HECW2: variants seen among roughly 807,000 people sequenced by gnomAD.
HECW2 encodes HECT, C2 and WW domain containing E3 ubiquitin protein ligase 2, also known as E3 ubiquitin-protein ligase HECW2.
A neutral mutation model predicts 175.2 loss-of-function variants in HECW2; 61 were observed. The observed-to-expected ratio is 0.35, with a 90% CI of 0.28 to 0.43. The LOEUF (loss-of-function observed/expected upper bound fraction) is 0.43. HECW2 is among the 20% of genes least tolerant of loss of function. HECW2 has a pLI of 1.00. For missense variants in HECW2, 1,524 were observed against 2,000.5 expected (o/e 0.76, Z 4.54); for synonymous variants, 671 against 731.0 (o/e 0.92, Z 1.32).
In HECW2 at chr2:196,390,000, T is replaced by A. The variant is rs372423914; in HGVS notation, c.292+43132A>T. The stretch of plus-strand genomic sequence containing the variant: ...GATGGTTCAGGACCTCTTTAGATAC[T>A]TTGAAAGCTTAGGCTTGAAATAAAA... On this transcript the variant is annotated intron_variant, in intron 2 of 28. Coordinates refer to ENST00000644978, the MANE Select transcript of HECW2 (RefSeq NM_001348768.2). Among the ~76,000 whole-genome samples the A allele has an allele frequency of 3.3e-5, 5 of 152,306 alleles. No homozygotes were observed. In the East Asian group the frequency reaches 7.7e-4, roughly 24 times the overall value.
intron 2 of HECW2, 25 bp from the exon 3 acceptor site, chr2:196,343,789 T>A (rs753759108): frequency 1.5e-5 from 21 of 1,393,112 alleles, no homozygotes; most frequent in Non-Finnish European, 4.1e-6. Context: ...GAAACACTTT[T>A]CAGATTAATT....
chr2:196,513,030 G>A (rs892884672), intron 1 of HECW2, among the ~76,000 whole-genome samples: 3 of 151,982 alleles, frequency 2.0e-5, no homozygotes, highest in African/African-American at 7.3e-5. Flanking sequence ...CAAGACTTCA[G>A]ACCAAGAAAA....
chr2:196,279,072 G>A (rs1012353433), intron 14 of HECW2, among the ~76,000 whole-genome samples: 1 of 151,364 alleles, frequency 6.6e-6, no homozygotes, highest in Non-Finnish European at 1.5e-5. Flanking sequence ...TTTTTGAGAC[G>A]GAGTCTCGCT....
intron 28 of HECW2, among the ~76,000 whole-genome samples, chr2:196,206,054 C>T (rs992802773): frequency 6.6e-6 from 1 of 152,188 alleles, no homozygotes; most frequent in Non-Finnish European, 1.5e-5. Context: ...CACACCCCCA[C>T]TCCCACCCCA....
At chr2:196,422,669 T>C (rs1695438250) in intron 2 of HECW2, among the ~76,000 whole-genome samples, 1 of 152,114 alleles carries the variant, frequency 6.6e-6, no homozygotes, top group Admixed American at 6.6e-5. Context: ...ATAATCTGAC[T>C]AGGTGAAAAG....
chr2:196,585,776 A>C (rs1690953190), intron 1 of HECW2, among the ~76,000 whole-genome samples: 1 of 152,210 alleles, frequency 6.6e-6, no homozygotes, highest in African/African-American at 2.4e-5. Context: ...GACCAGAAGA[A>C]ATCATTCATT....
intron 26 of HECW2, 51 bp downstream of exon 26, chr2:196,219,988 C>T (rs1188388255): frequency 8.2e-7 from 1 of 1,220,204 alleles, no homozygotes; most frequent in Admixed American, 1.7e-5. Flanking sequence ...TGAACCATGC[C>T]TTCCTTTAAT....
intron 21 of HECW2, among the ~76,000 whole-genome samples, chr2:196,235,818 G>A (rs976983559): frequency 1.3e-5 from 2 of 151,708 alleles, no homozygotes; most frequent in Non-Finnish European, 2.9e-5. Flanking sequence ...CACCATGCCC[G>A]GCTAATTTTT....
chr2:196,545,061 A>C (rs558544858), intron 1 of HECW2, among the ~76,000 whole-genome samples: 3 of 152,338 alleles, frequency 2.0e-5, no homozygotes, highest in Non-Finnish European at 4.4e-5. Flanking sequence ...ATACCCAAAC[A>C]CAAAGAATGC....
rs1687262751 is a variant in HECW2 at position 196,210,969 on chromosome 2, A to AG, written c.4607+4895_4607+4896insC. On this transcript the variant is annotated intron_variant, in intron 28 of 28. Transcript: ENST00000644978. ...CAAAAAGTTGTTATGTTTTTAAAAA[A>AG]TAATTTTATCTTTTAAAGTTCTATT... Among the ~76,000 whole-genome samples the AG allele has an allele frequency of 2.0e-5, 3 of 152,160 alleles. No homozygotes were observed. In the South Asian group the frequency reaches 6.2e-4, roughly 32 times the overall value.
chr2:196,473,181 T>G (rs1166813914), intron 1 of HECW2, among the ~76,000 whole-genome samples: 1 of 152,214 alleles, frequency 6.6e-6, no homozygotes, highest in Non-Finnish European at 1.5e-5. Flanking sequence ...ATAAGTGTGA[T>G]AGCTCCAAAA....
chr2:196,249,890 T>C (rs1221815817), intron 19 of HECW2, among the ~76,000 whole-genome samples: 2 of 152,210 alleles, frequency 1.3e-5, no homozygotes, highest in Non-Finnish European at 2.9e-5. Context: ...TTTAGATATA[T>C]TTGGGTTACA....
chr2:196,558,633 T>C (rs1689889098), intron 1 of HECW2, among the ~76,000 whole-genome samples: 1 of 152,242 alleles, frequency 6.6e-6, no homozygotes. Context: ...AGCTGACATG[T>C]TGGCGTATCC....
chr2:196,505,671 A>C (rs1324292803), intron 1 of HECW2, among the ~76,000 whole-genome samples: 1 of 152,262 alleles, frequency 6.6e-6, no homozygotes, highest in South Asian at 2.1e-4. Flanking sequence ...ATACACAAGT[A>C]AAACCAGAAT....
chr2:196,458,470 C>A lies in HECW2; in HGVS notation c.-35-25012G>T, dbSNP rs546501829. On this transcript the variant is annotated intron_variant, in intron 1 of 28. Coordinates refer to ENST00000644978, the MANE Select transcript of HECW2 (RefSeq NM_001348768.2). ...CACACACACACACACATACACACAC[C>A]CCAAGGGGATGAAAATATGTGACTT... Among the ~76,000 whole-genome samples the A allele has an allele frequency of 5.8e-4, 88 of 150,948 alleles. 1 individual carries two copies. The highest frequency in any genetic ancestry group is 2.0e-3 in the African/African-American group (83 of 41,256).
chr2:196,279,544 T>C (rs1182928117), intron 14 of HECW2, among the ~76,000 whole-genome samples: 3 of 152,278 alleles, frequency 2.0e-5, no homozygotes, highest in South Asian at 4.1e-4. Flanking sequence ...TCTATCACCA[T>C]AGTCATTTAA....
At chr2:196,501,707 TA>T (rs1235674722) in intron 1 of HECW2, among the ~76,000 whole-genome samples, 1 of 152,206 alleles carries the variant, frequency 6.6e-6, no homozygotes, top group Non-Finnish European at 1.5e-5. Flanking sequence ...TCTCAATATC[TA>T]AACCTACAAG....
At chr2:196,386,278 G>A (rs934299697) in intron 2 of HECW2, among the ~76,000 whole-genome samples, 1 of 152,164 alleles carries the variant, frequency 6.6e-6, no homozygotes, top group African/African-American at 2.4e-5. Flanking sequence ...AAGTGTTGGG[G>A]GAAAGAGAAC....
chr2:196,536,668 A>T (rs1424715657), intron 1 of HECW2, among the ~76,000 whole-genome samples: 1 of 152,242 alleles, frequency 6.6e-6, no homozygotes, highest in Non-Finnish European at 1.5e-5. Flanking sequence ...TATAGATCTC[A>T]AAAAGTCACA....
Sources: gnomAD v4.1 joint callset for allele counts (sites outside exome capture counted in the v4.1 genomes callset) on GRCh38, gnomAD v4.1.1 for gene constraint, MANE v1.5 for transcripts, NCBI Gene and HGNC (gene_info 2026-07-23, HGNC 2026-07-21) for gene names.